The following COL4A1 variants were observed in gnomAD, a reference collection of about 807,000 sequenced individuals.
The protein encoded by COL4A1 is collagen type IV alpha 1 chain.
COL4A1 carries 40 observed loss-of-function variants against 216.6 expected under a neutral mutation model. The ratio of observed to expected loss-of-function variants is 0.18; its 90% CI spans 0.14 to 0.24. The LOEUF (loss-of-function observed/expected upper bound fraction) is 0.24, where lower values mean the gene tolerates loss of function less well. COL4A1 is among the 10% of genes least tolerant of loss of function. The probability of loss-of-function intolerance (pLI) is 1.00; values close to 1 mark genes in which losing one functional copy is unlikely to be tolerated. For synonymous variants in COL4A1, 839 were observed against 810.7 expected (o/e 1.03, Z -0.59); for missense variants, 1,628 against 2,196.8 (o/e 0.74, Z 5.18).
chr13:110,279,486 T>C (rs1019991921), intron 1 of COL4A1, among the ~76,000 whole-genome samples: 3 of 152,142 alleles, frequency 2.0e-5, no homozygotes, highest in Non-Finnish European at 4.4e-5. Flanking sequence ...ATATAATGTA[T>C]TTTTTTGCTC....
chr13:110,169,562 C>A, intron 43 of COL4A1, 67 bp downstream of exon 43: 1 of 1,606,832 alleles, frequency 6.2e-7, no homozygotes, highest in East Asian at 2.2e-5. Flanking sequence ...CACACATAGA[C>A]ACATATGAAT....
intron 26 of COL4A1, among the ~76,000 whole-genome samples, chr13:110,184,352 T>A (rs1298375719): frequency 1.3e-5 from 2 of 152,156 alleles, no homozygotes; most frequent in Non-Finnish European, 2.9e-5. Context: ...TCTGCAGATG[T>A]CACAAGCACA....
Position 110,238,012 on chromosome 13 carries a change from G to A in COL4A1, c.144+4663C>T, listed in dbSNP as rs79993859. Among the ~76,000 whole-genome samples, 514 of 152,330 alleles carry A rather than the reference G, an allele frequency of 3.4e-3. 3 individuals carry two copies. Among genetic ancestry groups the A allele is most frequent in the African/African-American group, 0.012 (495 of 41,570 alleles). ...TCAGATAAGATACACATTTTAGACA[G>A]ACAGATAGCAATGCCATCTTCAAAG... On this transcript the variant is annotated intron_variant, in intron 2 of 51. Coordinates refer to ENST00000375820, the MANE Select transcript of COL4A1 (RefSeq NM_001845.6).
intron 1 of COL4A1, among the ~76,000 whole-genome samples, chr13:110,295,912 T>C (rs1452716080): frequency 6.6e-6 from 1 of 152,174 alleles, no homozygotes; most frequent in East Asian, 1.9e-4. Context: ...GGGAGACAGG[T>C]GCGCTTTCTA....
intron 40 of COL4A1, 78 bp downstream of exon 40, chr13:110,173,822 C>G: frequency 6.5e-7 from 1 of 1,542,402 alleles, no homozygotes; most frequent in South Asian, 1.1e-5. Flanking sequence ...CAGCTTTATT[C>G]ACTGAACACA....
chr13:110,232,788 A>T (rs1043251576), intron 2 of COL4A1, among the ~76,000 whole-genome samples: 1 of 152,052 alleles, frequency 6.6e-6, no homozygotes, highest in Non-Finnish European at 1.5e-5. Context: ...CTGAACTTGG[A>T]AACAGAATCG....
intron 1 of COL4A1, among the ~76,000 whole-genome samples, chr13:110,276,044 C>A (rs1883414802): frequency 1.6e-5 from 1 of 63,908 alleles, no homozygotes; most frequent in Admixed American, 2.1e-4. Context: ...AGAGTGAACC[C>A]CAGCATGAAC....
intron 45 of COL4A1, among the ~76,000 whole-genome samples, chr13:110,166,012 A>G (rs1877320187): frequency 6.6e-6 from 1 of 152,192 alleles, no homozygotes; most frequent in Non-Finnish European, 1.5e-5. Flanking sequence ...GAGTTCCCTC[A>G]GTCCTGGATT....
intron 1 of COL4A1, among the ~76,000 whole-genome samples, chr13:110,285,808 C>T (rs911256518): frequency 6.6e-6 from 1 of 152,164 alleles, no homozygotes; most frequent in Non-Finnish European, 1.5e-5. Flanking sequence ...GTAGACAGCA[C>T]ACTGTGGGAC....
intron 41 of COL4A1, among the ~76,000 whole-genome samples, chr13:110,171,784 G>A (rs895701840): frequency 1.3e-5 from 2 of 152,210 alleles, no homozygotes; most frequent in Admixed American, 1.3e-4. Flanking sequence ...TGGCAAGGTA[G>A]GAAAGGCAGG....
chr13:110,195,229 A>G (rs1878833057), intron 21 of COL4A1, 111 bp from the exon 22 acceptor site: 5 of 872,640 alleles, frequency 5.7e-6, no homozygotes, highest in Non-Finnish European at 9.5e-6. Flanking sequence ...CAAGTGTTAG[A>G]AATTCAGCTT....
In COL4A1 at chr13:110,268,813, C is replaced by T. The variant is rs566990110; in HGVS notation, c.85-26079G>A. ...GCTCAACAAATCTGACTCTGTCATC[C>T]GCCCATCTTCCAGCCGAGGGCAGGT... On this transcript the variant is annotated intron_variant, in intron 1 of 51. Coordinates refer to ENST00000375820, the MANE Select transcript of COL4A1 (RefSeq NM_001845.6). The surrounding 1 kb of genome is among the most constrained non-coding windows in gnomAD (Gnocchi z 4.1). Among the ~76,000 whole-genome samples, 63 of 152,320 alleles carry T rather than the reference C, an allele frequency of 4.1e-4. No homozygotes were observed. The highest frequency in any genetic ancestry group is 1.4e-3 in the African/African-American group (57 of 41,574).
intron 26 of COL4A1, among the ~76,000 whole-genome samples, chr13:110,185,403 C>T (rs535934909): frequency 5.9e-5 from 9 of 152,344 alleles, no homozygotes; most frequent in African/African-American, 2.2e-4. Flanking sequence ...CTCTGCCTCC[C>T]AAAGTGCTGG....
chr13:110,303,034 A>G (rs1303264273), intron 1 of COL4A1, among the ~76,000 whole-genome samples: 1 of 152,216 alleles, frequency 6.6e-6, no homozygotes. Context: ...ACTGTCTACA[A>G]AGGTTTGTCT....
chr13:110,176,852 C>T (rs373414498), intron 34 of COL4A1, 33 bp downstream of exon 34: 24 of 1,614,000 alleles, frequency 1.5e-5, no homozygotes, highest in Middle Eastern at 1.6e-4. Context: ...ATTGTGGTTC[C>T]GAGCTTGGCC....
chr13:110,221,286 TA>T (rs1227880902), intron 2 of COL4A1, among the ~76,000 whole-genome samples: 1 of 152,168 alleles, frequency 6.6e-6, no homozygotes, highest in African/African-American at 2.4e-5. Context: ...AAACCATAGA[TA>T]TTTTCTGATC....
At chr13:110,221,966 C>A (rs934664665) in intron 2 of COL4A1, among the ~76,000 whole-genome samples, 7 of 152,228 alleles carry the variant, frequency 4.6e-5, no homozygotes, top group African/African-American at 7.2e-5. Flanking sequence ...TCAAACCACA[C>A]CAGCAGACAG....
rs369581524 is a variant in COL4A1, at chr13:110,178,274, A to G, written c.2459-43T>C. On this transcript the variant is annotated intron_variant, in intron 31 of 51. Transcript: ENST00000375820. ...ACAAATAACTTTTAGCAGAATTTAC[A>G]GAATGATCTACAATGTACAGTGCTC... 1.3e-4 allele frequency: 209 copies of G among 1,611,140 alleles called. 6 individuals carry two copies. In the South Asian group the frequency reaches 2.2e-3, roughly 17 times the overall value.
chr13:110,153,782 G>A (rs1312644305), intron 50 of COL4A1, among the ~76,000 whole-genome samples: 1 of 152,116 alleles, frequency 6.6e-6, no homozygotes, highest in East Asian at 1.9e-4. Context: ...ACACGTGCAC[G>A]AACATTTTAA....
Sources: gnomAD v4.1 joint callset for allele counts (sites outside exome capture counted in the v4.1 genomes callset) on GRCh38, gnomAD v4.1.1 for gene constraint, Gnocchi (gnomAD v3.1) non-coding constraint, MANE v1.5 for transcripts, NCBI Gene and HGNC (gene_info 2026-07-23, HGNC 2026-07-21) for gene names.